MAD1L1: variants seen among roughly 807,000 people sequenced by gnomAD.
The protein encoded by MAD1L1 is mitotic spindle assembly checkpoint protein MAD1.
A neutral mutation model predicts 96.9 loss-of-function variants in MAD1L1; 95 were observed. The ratio of observed to expected loss-of-function variants is 0.98; its 90% CI spans 0.83 to 1.16. The LOEUF (loss-of-function observed/expected upper bound fraction) is 1.16, where lower values mean the gene tolerates loss of function less well. MAD1L1 is among the 50% of genes most tolerant of loss of function. The pLI is 0.00. For missense variants in MAD1L1, 1,007 were observed against 954.4 expected (o/e 1.06, Z -0.73); for synonymous variants, 473 against 396.6 (o/e 1.19, Z -2.29).
At chr7:2,122,105 C>G (rs1788008831) in intron 11 of MAD1L1, among the ~76,000 whole-genome samples, 1 of 152,184 alleles carries the variant, frequency 6.6e-6, no homozygotes, top group Admixed American at 6.5e-5. Flanking sequence ...GAGGGACAAG[C>G]AGAACTGCCA....
intron 18 of MAD1L1, among the ~76,000 whole-genome samples, chr7:1,832,509 TAGAA>T (rs1562436677): frequency 2.1e-5 from 3 of 142,238 alleles, no homozygotes; most frequent in African/African-American, 7.9e-5. Context: ...GGCTCCAAGA[TAGAA>T]AGAAGTTCTA....
rs562655239 is a variant in MAD1L1 at position 2,114,970 on chromosome 7, T to C, written c.1073+34182A>G. 1.3e-5 allele frequency among the ~76,000 whole-genome samples: 2 copies of C among 152,164 alleles called. No individual in the cohort carries two copies. The highest frequency in any genetic ancestry group is 1.3e-4 in the Admixed American group (2 of 15,292). ...CAGGGAACCTTCCGGAAGAATCTGT[T>C]CCCAGGGTAGAAACAGTGACGGGCC... On this transcript the variant is annotated intron_variant, in intron 11 of 18. Transcript: ENST00000265854. This position sits in a 1 kb window ranked among gnomAD's most constrained non-coding sequence, Gnocchi z 4.2.
intron 12 of MAD1L1, among the ~76,000 whole-genome samples, chr7:2,060,034 C>T (rs765558276): frequency 1.3e-5 from 2 of 152,134 alleles, no homozygotes; most frequent in African/African-American, 2.4e-5. Flanking sequence ...TCACAAGATA[C>T]GCCGATGCCG....
intron 10 of MAD1L1, among the ~76,000 whole-genome samples, chr7:2,204,141 C>G (rs1310619157): frequency 6.6e-6 from 1 of 152,232 alleles, no homozygotes. Context: ...GTAACAAAGA[C>G]CCAGGAGGTG....
At chr7:1,913,794 G>A (rs1222381978) in intron 17 of MAD1L1, among the ~76,000 whole-genome samples, 2 of 152,142 alleles carry the variant, frequency 1.3e-5, no homozygotes, top group Non-Finnish European at 2.9e-5. Context: ...GGATTCCGTG[G>A]GGAGTGGAGG....
intron 18 of MAD1L1, chr7:1,817,381 C>G (rs1278224269): frequency 6.6e-6 from 1 of 152,288 alleles, no homozygotes. Context: ...GTGTCCACGG[C>G]AACACGATCC....
At chr7:2,118,246 G>A (rs533158575) in intron 11 of MAD1L1, among the ~76,000 whole-genome samples, 17 of 152,336 alleles carry the variant, frequency 1.1e-4, no homozygotes, top group Admixed American at 6.5e-4. Flanking sequence ...CAGCATCCAG[G>A]GCACAGTGCC....
intron 18 of MAD1L1, among the ~76,000 whole-genome samples, chr7:1,894,210 T>C (rs1444268342): frequency 1.3e-5 from 2 of 152,230 alleles, no homozygotes; most frequent in African/African-American, 4.8e-5. Context: ...TTGGCAGCTC[T>C]AGCGCTGTCT....
chr7:1,871,239 G>A (rs111903327), intron 18 of MAD1L1, among the ~76,000 whole-genome samples: 11 of 118,506 alleles, frequency 9.3e-5, no homozygotes, highest in South Asian at 6.0e-4. Context: ...CCCAACATAC[G>A]CCTGCCACGC....
intron 7 of MAD1L1, 58 bp from the exon 8 acceptor site, chr7:2,216,345 A>G: frequency 6.4e-7 from 1 of 1,563,298 alleles, no homozygotes; most frequent in Non-Finnish European, 8.7e-7. Flanking sequence ...AGACCTGGAG[A>G]AAATCACACG....
intron 11 of MAD1L1, among the ~76,000 whole-genome samples, chr7:2,120,434 G>A (rs1787919676): frequency 6.6e-6 from 1 of 152,236 alleles, no homozygotes; most frequent in Non-Finnish European, 1.5e-5. Context: ...TGGAGAGCCT[G>A]GGGGCGCAGC....
chr7:2,186,683 T>A (rs1255203215), intron 10 of MAD1L1, among the ~76,000 whole-genome samples: 1 of 152,246 alleles, frequency 6.6e-6, no homozygotes, highest in Non-Finnish European at 1.5e-5. Flanking sequence ...GTCCAACTTG[T>A]GAGCCTCTTC....
At chr7:1,868,442 G>GA (rs772939650) in intron 18 of MAD1L1, among the ~76,000 whole-genome samples, 1 of 152,056 alleles carries the variant, frequency 6.6e-6, no homozygotes, top group Non-Finnish European at 1.5e-5. Flanking sequence ...CTGGAGTGGG[G>GA]CCCTCCATGT....
chr7:1,929,768 C>CA (rs1789330822), intron 17 of MAD1L1, among the ~76,000 whole-genome samples: 1 of 149,394 alleles, frequency 6.7e-6, no homozygotes, highest in African/African-American at 2.5e-5. Flanking sequence ...TGCCACGTCC[C>CA]CTCGCCCCGT....
At position 1,886,631 on chromosome 7, in the gene MAD1L1, T is replaced by G. The variant is rs547920518; in HGVS notation, c.1998+11569A>C. Reference sequence around the variant, plus strand: ...TGTGCAGGTTCTCTGCTCTCAACACTTCCAGGACAGCAGGGGTCAGCAGGA... The same window carrying G: ...TGTGCAGGTTCTCTGCTCTCAACACGTCCAGGACAGCAGGGGTCAGCAGGA... On this transcript the variant is annotated intron_variant, in intron 18 of 18. Coordinates refer to ENST00000265854, the MANE Select transcript of MAD1L1 (RefSeq NM_001013836.2). Among the ~76,000 whole-genome samples, 6 of 152,310 alleles carry G rather than the reference T, an allele frequency of 3.9e-5. No homozygotes were observed. The East Asian group carries it at 1.2e-3, about 29-fold the overall frequency.
intron 12 of MAD1L1, among the ~76,000 whole-genome samples, chr7:2,036,782 G>C (rs889474971): frequency 2.0e-5 from 3 of 152,160 alleles, no homozygotes; most frequent in African/African-American, 7.2e-5. Flanking sequence ...GCAGTACAGG[G>C]AGCCCAAGCA....
At chr7:1,851,850 G>C (rs1307817538) in intron 18 of MAD1L1, among the ~76,000 whole-genome samples, 1 of 152,132 alleles carries the variant, frequency 6.6e-6, no homozygotes, top group Non-Finnish European at 1.5e-5. Context: ...GCTGCCCAGG[G>C]AGCTAGAGTC....
At chr7:2,167,842 C>T (rs1014167563) in intron 10 of MAD1L1, among the ~76,000 whole-genome samples, 1 of 151,950 alleles carries the variant, frequency 6.6e-6, no homozygotes, top group African/African-American at 2.4e-5. Context: ...TGATACCAGC[C>T]AGGGCAACAT....
intron 18 of MAD1L1, among the ~76,000 whole-genome samples, chr7:1,818,464 C>T (rs1181327779): frequency 3.3e-5 from 5 of 152,108 alleles, no homozygotes; most frequent in African/African-American, 1.2e-4. Flanking sequence ...GGTCACTCAG[C>T]CTCGAGCTCC....
Sources: allele counts gnomAD v4.1 joint callset (sites outside exome capture counted in the v4.1 genomes callset), GRCh38; gene constraint gnomAD v4.1.1; non-coding constraint Gnocchi (gnomAD v3.1); transcripts MANE v1.5; gene names NCBI Gene and HGNC (gene_info 2026-07-23, HGNC 2026-07-21).